The following LRRC37A variants were observed in gnomAD, a reference collection of about 807,000 sequenced individuals.
LRRC37A encodes the protein leucine rich repeat containing 37A.
Under a neutral mutation model 35.4 loss-of-function variants are expected in LRRC37A, and 3 were observed. That is an observed-to-expected ratio of 0.08 (90% CI 0.04 to 0.22). The LOEUF (loss-of-function observed/expected upper bound fraction) is 0.22. LRRC37A is among the 10% of genes least tolerant of loss of function. The probability of loss-of-function intolerance (pLI) is 1.00; values close to 1 mark genes in which losing one functional copy is unlikely to be tolerated. For missense variants in LRRC37A, 67 were observed against 565.3 expected (o/e 0.12, Z 8.94); for synonymous variants, 23 against 215.0 (o/e 0.11, Z 7.81).
the LRRC37A span, chr17:46,259,660 T>C: frequency 3.7e-6 from 6 of 1,609,440 alleles, no homozygotes; most frequent in Admixed American, 1.7e-5. Flanking sequence ...GGCCACCTCA[T>C]GCCCATCCCG....
chr17:46,265,683 G>T, the LRRC37A span, among the ~76,000 whole-genome samples: 17 of 152,058 alleles, frequency 1.1e-4, no homozygotes, highest in African/African-American at 3.9e-4. Context: ...TCTCCATGTT[G>T]CTCAGGCTGG....
At chr17:46,274,167 A>G in the LRRC37A span, among the ~76,000 whole-genome samples, 21,712 of 151,972 alleles carry the variant, frequency 0.14, 1,897 homozygotes, top group Non-Finnish European at 0.22. Flanking sequence ...AATCATTAGC[A>G]CACATTCAAA....
chr17:46,268,760 C>T, the LRRC37A span: 12 of 1,161,662 alleles, frequency 1.0e-5, no homozygotes, highest in African/African-American at 1.7e-5. Flanking sequence ...GGTCTATCTT[C>T]ATGTAATGGG....
At chr17:46,282,454 AC>A in the LRRC37A span, among the ~76,000 whole-genome samples, 1 of 143,006 alleles carries the variant, frequency 7.0e-6, no homozygotes, top group Non-Finnish European at 1.5e-5. Context: ...TTGCTGTGTC[AC>A]CCAGGCTGGG....
the LRRC37A span, chr17:46,275,088 C>G: frequency 5.1e-6 from 1 of 195,164 alleles, no homozygotes; most frequent in African/African-American, 2.4e-5. Context: ...GACGGGGTTT[C>G]TCCATATTGG....
chr17:46,279,488 TTTTC>T, the LRRC37A span, among the ~76,000 whole-genome samples: 18 of 148,166 alleles, frequency 1.2e-4, no homozygotes, highest in African/African-American at 3.5e-4. Flanking sequence ...CTGGCCTTTT[TTTTC>T]TTTCTTTCTT....
the LRRC37A span, among the ~76,000 whole-genome samples, chr17:46,269,257 G>T: frequency 2.0e-5 from 3 of 152,238 alleles, no homozygotes. Context: ...TACCAAGCCG[G>T]GCGCGGTGGC....
At chr17:46,259,496 C>G in the LRRC37A span, 1 of 1,585,514 alleles carries the variant, frequency 6.3e-7, no homozygotes. Flanking sequence ...GGGTTGGGGC[C>G]TGATACAGGC....
chr17:46,279,082 G>A, the LRRC37A span, among the ~76,000 whole-genome samples: 2 of 152,182 alleles, frequency 1.3e-5, no homozygotes, highest in East Asian at 1.9e-4. Context: ...ATAGGCATAA[G>A]CCACTGTTCC....
At chr17:46,276,797 T>C in the LRRC37A span, among the ~76,000 whole-genome samples, 22 of 151,410 alleles carry the variant, frequency 1.5e-4, no homozygotes, top group East Asian at 3.9e-4. Flanking sequence ...TTTCTTTTTT[T>C]TTTTTTTTTT....
chr17:46,268,033 C>G, the LRRC37A span, among the ~76,000 whole-genome samples: 1 of 151,762 alleles, frequency 6.6e-6, no homozygotes, highest in African/African-American at 2.4e-5. Flanking sequence ...TCCCAAGTAG[C>G]TGGGATTACA....
upstream of LRRC37A, among the ~76,000 whole-genome samples, chr17:46,291,985 A>AAAAAAAAC (rs1360524355): frequency 9.1e-5 from 7 of 76,586 alleles, no homozygotes; most frequent in East Asian, 3.6e-4. Flanking sequence ...AAAAAAAAAA[A>AAAAAAAAC]AAGCCAATAA....
the LRRC37A span, among the ~76,000 whole-genome samples, chr17:46,251,176 C>G: frequency 1.3e-5 from 2 of 150,934 alleles, no homozygotes; most frequent in South Asian, 4.2e-4. Context: ...ACCTTAGTCC[C>G]GTGGTTCTCA....
chr17:46,257,999 T>C, the LRRC37A span, among the ~76,000 whole-genome samples: 247 of 144,016 alleles, frequency 1.7e-3, no homozygotes, highest in Non-Finnish European at 2.9e-3. Context: ...AAGACTCAAT[T>C]GGGAGAAAAT....
the LRRC37A span, among the ~76,000 whole-genome samples, chr17:46,279,324 C>T: frequency 4.0e-5 from 6 of 151,818 alleles, no homozygotes; most frequent in South Asian, 1.2e-3. Context: ...GCGAGGATTA[C>T]AGGTGCCTAC....
chr17:46,261,217 A>T, the LRRC37A span, among the ~76,000 whole-genome samples: 3,282 of 112,850 alleles, frequency 0.029, 100 homozygotes, highest in African/African-American at 0.069. Flanking sequence ...GGAAATAAAA[A>T]TTTTTTTTTA....
chr17:46,265,246 T>TTTCTTCTTCTTC, the LRRC37A span, among the ~76,000 whole-genome samples: 27 of 139,022 alleles, frequency 1.9e-4, no homozygotes, highest in East Asian at 7.0e-4. Context: ...ACAAATTTCC[T>TTTCTTCTTCTTC]TTCTTCTTCT....
chr17:46,267,207 C>A, the LRRC37A span: 5 of 646,558 alleles, frequency 7.7e-6, no homozygotes, highest in African/African-American at 1.9e-5. Flanking sequence ...CCCGGAGAAT[C>A]CTGCACGCGA....
At chr17:46,281,691 T>C in the LRRC37A span, among the ~76,000 whole-genome samples, 1 of 152,238 alleles carries the variant, frequency 6.6e-6, no homozygotes, top group Non-Finnish European at 1.5e-5. Flanking sequence ...TCACCCAGGC[T>C]GGAGTGCAGT....
Sources: gnomAD v4.1 joint callset for allele counts (sites outside exome capture counted in the v4.1 genomes callset) on GRCh38, gnomAD v4.1.1 for gene constraint, MANE v1.5 for transcripts, NCBI Gene and HGNC (gene_info 2026-07-23, HGNC 2026-07-21) for gene names.